Variants in STXBP5L observed in about 807,000 individuals in gnomAD.
STXBP5L encodes syntaxin binding protein 5L.
In STXBP5L, 65 loss-of-function variants were observed where a neutral mutation model predicts 144.5. The ratio of observed to expected loss-of-function variants is 0.45; its 90% CI spans 0.37 to 0.55. The LOEUF is 0.55. Ranked by LOEUF, STXBP5L falls within the 20% of genes least tolerant of loss-of-function variation. The probability of loss-of-function intolerance (pLI) is 0.00; values close to 1 mark genes in which losing one functional copy is unlikely to be tolerated. For missense variants in STXBP5L, 1,298 were observed against 1,405.5 expected (o/e 0.92, Z 1.22); for synonymous variants, 505 against 469.6 (o/e 1.08, Z -0.97).
At chr3:121,166,998 A>G (rs1351333563) in intron 9 of STXBP5L, among the ~76,000 whole-genome samples, 2 of 118,212 alleles carry the variant, frequency 1.7e-5, no homozygotes, top group East Asian at 4.6e-4. Flanking sequence ...CAGAAAAAAA[A>G]CGAAGGAGCC....
intron 22 of STXBP5L, among the ~76,000 whole-genome samples, chr3:121,405,194 G>A (rs191131518): frequency 6.6e-6 from 1 of 152,136 alleles, no homozygotes; most frequent in East Asian, 1.9e-4. Context: ...GTGGGGGTTG[G>A]GGCTTTAACA....
intron 9 of STXBP5L, among the ~76,000 whole-genome samples, chr3:121,159,854 G>A (rs987886841): frequency 4.0e-5 from 6 of 151,646 alleles, no homozygotes; most frequent in Admixed American, 1.3e-4. Context: ...GGATGGTCTC[G>A]ATCTCCTGAC....
intron 5 of STXBP5L, among the ~76,000 whole-genome samples, chr3:121,053,351 G>C (rs143835487): frequency 4.1e-4 from 63 of 152,220 alleles, no homozygotes; most frequent in African/African-American, 1.3e-3. Context: ...ATACTACAAG[G>C]CTACAGTAAC....
intron 3 of STXBP5L, among the ~76,000 whole-genome samples, chr3:121,030,656 T>C (rs968874553): frequency 2.6e-5 from 4 of 152,144 alleles, no homozygotes; most frequent in Admixed American, 6.6e-5. Context: ...TCTGCACCTG[T>C]ATCCCAGTAC....
intron 9 of STXBP5L, among the ~76,000 whole-genome samples, chr3:121,168,601 A>T (rs946320935): frequency 2.6e-5 from 4 of 152,206 alleles, no homozygotes; most frequent in African/African-American, 9.7e-5. Flanking sequence ...GAGATTGAAG[A>T]TCAGCTTAAT....
chr3:120,978,475 T>C, intron 3 of STXBP5L, among the ~76,000 whole-genome samples: 1 of 152,200 alleles, frequency 6.6e-6, no homozygotes. Context: ...TTTAACTTCT[T>C]TGCCTTTGGT....
chr3:121,103,125 TG>T (rs2043513239), intron 5 of STXBP5L, among the ~76,000 whole-genome samples: 1 of 152,182 alleles, frequency 6.6e-6, no homozygotes, highest in Non-Finnish European at 1.5e-5. Flanking sequence ...GTTCACCTAC[TG>T]TGGAAAGCAG....
intron 9 of STXBP5L, among the ~76,000 whole-genome samples, chr3:121,201,666 T>C (rs1045595140): frequency 4.6e-5 from 7 of 152,038 alleles, no homozygotes; most frequent in South Asian, 2.1e-4. Context: ...TTTTTTTTTT[T>C]CCATATTTAG....
At chr3:121,335,189 A>ATTG (rs1423237889) in intron 20 of STXBP5L, among the ~76,000 whole-genome samples, 3 of 152,192 alleles carry the variant, frequency 2.0e-5, no homozygotes, top group Non-Finnish European at 4.4e-5. Context: ...CCAAATCAAA[A>ATTG]ACACAATCCC....
Position 121,185,561 on chromosome 3 carries a change from T to C in STXBP5L, c.878-20362T>C, listed in dbSNP as rs572460790. 1.1e-4 allele frequency among the ~76,000 whole-genome samples: 16 copies of C among 152,348 alleles called. No individual in the cohort carries two copies. In the East Asian group the frequency reaches 1.7e-3, roughly 17 times the overall value. On this transcript the variant is annotated intron_variant, in intron 9 of 26. Transcript: ENST00000471454. ...ACCATTTATTGAATAGGGAGTCCTT[T>C]CTCCATTTCTTGTTTTTGTCAGGTT...
intron 3 of STXBP5L, among the ~76,000 whole-genome samples, chr3:120,995,355 C>T (rs1047640561): frequency 6.6e-6 from 1 of 152,056 alleles, no homozygotes; most frequent in African/African-American, 2.4e-5. Flanking sequence ...CCTATGTCAA[C>T]CAGGCTGATC....
At chr3:121,013,897 C>A (rs956944240) in intron 3 of STXBP5L, among the ~76,000 whole-genome samples, 4 of 151,958 alleles carry the variant, frequency 2.6e-5, no homozygotes, top group African/African-American at 9.7e-5. Context: ...ATTAGGATAT[C>A]CTTTCCCTGT....
intron 7 of STXBP5L, among the ~76,000 whole-genome samples, chr3:121,136,942 C>G (rs58688375): frequency 0.37 from 55,548 of 151,948 alleles, 10,514 homozygotes; most frequent in Non-Finnish European, 0.4. Context: ...ATAGAGGGAG[C>G]TGGAGGCCAT....
chr3:121,202,598 TTCTC>T (rs1439149630), intron 9 of STXBP5L, among the ~76,000 whole-genome samples: 2 of 151,902 alleles, frequency 1.3e-5, no homozygotes, highest in African/African-American at 2.4e-5. Context: ...TATCAACAAA[TTCTC>T]TCAGTTTTTG....
chr3:121,248,499 G>A (rs914452966), intron 14 of STXBP5L, among the ~76,000 whole-genome samples: 1 of 151,982 alleles, frequency 6.6e-6, no homozygotes, highest in African/African-American at 2.4e-5. Context: ...TCTGGTTTTC[G>A]CTTTTTGGTT....
chr3:121,386,939 C>A (rs749004274), intron 22 of STXBP5L, among the ~76,000 whole-genome samples: 3 of 152,140 alleles, frequency 2.0e-5, no homozygotes, highest in Non-Finnish European at 2.9e-5. Flanking sequence ...ATTGCTGGGT[C>A]AAATGGTAAT....
chr3:120,910,446 G>A (rs1215127589), intron 2 of STXBP5L, among the ~76,000 whole-genome samples: 2 of 152,088 alleles, frequency 1.3e-5, no homozygotes, highest in African/African-American at 2.4e-5. Context: ...CAAGCATTAG[G>A]TTAATGCATA....
At chr3:121,414,542 G>A (rs920182227) in intron 24 of STXBP5L, among the ~76,000 whole-genome samples, 2 of 152,142 alleles carry the variant, frequency 1.3e-5, no homozygotes, top group East Asian at 3.9e-4. Flanking sequence ...AGTTAGAGAA[G>A]GATTATGGGC....
intron 7 of STXBP5L, among the ~76,000 whole-genome samples, chr3:121,133,861 G>T (rs1029499599): frequency 2.6e-5 from 4 of 152,108 alleles, no homozygotes; most frequent in Non-Finnish European, 5.9e-5. Flanking sequence ...GCAAGCAAAG[G>T]GGAAATGCCC....
Sources: gnomAD v4.1 joint callset for allele counts (sites outside exome capture counted in the v4.1 genomes callset) on GRCh38, gnomAD v4.1.1 for gene constraint, MANE v1.5 for transcripts, NCBI Gene and HGNC (gene_info 2026-07-23, HGNC 2026-07-21) for gene names.